Variants in TNMD observed in about 807,000 individuals in gnomAD.
The protein encoded by TNMD is tenomodulin.
TNMD carries 15 observed loss-of-function variants against 26.9 expected under a neutral mutation model. The ratio of observed to expected loss-of-function variants is 0.56; its 90% CI spans 0.37 to 0.86. The LOEUF (loss-of-function observed/expected upper bound fraction) is 0.86, where lower values mean the gene tolerates loss of function less well. Among genes scored for constraint, TNMD ranks in the 40% least tolerant of loss-of-function variants. The probability of loss-of-function intolerance (pLI) is 0.00; values close to 1 mark genes in which losing one functional copy is unlikely to be tolerated. For synonymous variants in TNMD, 73 were observed against 77.0 expected (o/e 0.95, Z 0.27); for missense variants, 222 against 242.6 (o/e 0.92, Z 0.56).
intron 4 of TNMD, among the ~76,000 whole-genome samples, chrX:100,596,016 T>C (rs1299680156): frequency 1.8e-5 from 2 of 112,615 alleles, no homozygotes; most frequent in Non-Finnish European, 1.9e-5. Flanking sequence ...ATAGGATTTA[T>C]TTTTTTGAAA....
chrX:100,598,804 A>G (rs1250912017), intron 5 of TNMD, among the ~76,000 whole-genome samples: 1 of 112,193 alleles, frequency 8.9e-6, no homozygotes, highest in Non-Finnish European at 1.9e-5. Flanking sequence ...CCAAAGAAGC[A>G]AAGAAGTTTG....
chrX:100,596,206 T>C (rs1232040293), intron 4 of TNMD, among the ~76,000 whole-genome samples: 11 of 111,639 alleles, frequency 9.9e-5, no homozygotes, highest in Non-Finnish European at 2.1e-4. Flanking sequence ...TGGTGGCGTG[T>C]GCCTGTAATC....
intron 4 of TNMD, 130 bp from the exon 5 acceptor site, chrX:100,597,374 T>C (rs1236248435): frequency 1.1e-5 from 8 of 757,552 alleles, no homozygotes; most frequent in Non-Finnish European, 1.5e-5. Flanking sequence ...GGCACAGAGC[T>C]AGTTCACCAG....
chrX:100,585,100 G>A, intron 1 of TNMD, 34 bp downstream of exon 1: 1 of 1,193,939 alleles, frequency 8.4e-7, no homozygotes, highest in South Asian at 1.8e-5. Flanking sequence ...CTTTTGAGCA[G>A]AAGCATGGTT....
intron 6 of TNMD, 117 bp from the exon 7 acceptor site, chrX:100,599,390 GC>G: frequency 1.4e-6 from 1 of 707,340 alleles, no homozygotes. Flanking sequence ...AGGCTAAGGA[GC>G]TTAATTTCTC....
At chrX:100,590,443 T>C (rs2082933980) in intron 2 of TNMD, among the ~76,000 whole-genome samples, 1 of 112,361 alleles carries the variant, frequency 8.9e-6, no homozygotes, top group Admixed American at 9.4e-5. Flanking sequence ...AATAGCTTTC[T>C]TTTCTGATCT....
At chrX:100,587,728 G>A (rs969225129) in intron 2 of TNMD, among the ~76,000 whole-genome samples, 4 of 111,993 alleles carry the variant, frequency 3.6e-5, no homozygotes, top group East Asian at 5.6e-4. Context: ...CAATGGGTAC[G>A]CCTATCAACA....
chrX:100,587,054 T>C (rs59903811), intron 2 of TNMD, among the ~76,000 whole-genome samples: 3,333 of 112,429 alleles, frequency 0.03, 121 homozygotes, highest in African/African-American at 0.1. Flanking sequence ...CTTGCCTAAA[T>C]AAGGGGCCAA....
At chrX:100,585,507 T>C in intron 2 of TNMD, 145 bp downstream of exon 2, 1 of 709,012 alleles carries the variant, frequency 1.4e-6, no homozygotes, top group South Asian at 3.9e-5. Context: ...TGAATCAAGA[T>C]TTTTCTCTCC....
In TNMD at chrX:100,593,944, T is replaced by C; in HGVS notation, c.230T>C (p.Ile77Thr). The C allele has an allele frequency of 3.3e-6, 4 of 1,209,852 alleles. No individual in the cohort carries two copies. Among genetic ancestry groups the C allele is most frequent in the Non-Finnish European group, 4.5e-6 (4 of 894,396 alleles). The part of the protein sequence containing the change: ...TFYSNGEKKK[I>T]YMEIDPVTRT... ...TACAGCAATGGAGAGAAGAAGAAGA[T>C]TTACATGGAAATTGATCCTGTGACC... is the stretch of plus-strand genomic sequence containing the variant. The change falls in exon 3 of 7, where the codon ATT becomes ACT. Residue 77 changes from isoleucine to threonine, a missense_variant. Coordinates refer to ENST00000373031, the MANE Select transcript of TNMD (RefSeq NM_022144.3).
chrX:100,598,935 C>T, intron 5 of TNMD, 81 bp from the exon 6 acceptor site: 1 of 835,285 alleles, frequency 1.2e-6, no homozygotes, highest in East Asian at 3.6e-5. Context: ...AATCTCTATC[C>T]CCAGCTGCTA....
chrX:100,597,626 C>T lies in TNMD; in HGVS notation c.546C>T (p.Thr182=), dbSNP rs1410649994. The T allele has an allele frequency of 8.3e-7, 1 of 1,208,982 alleles. No individual in the cohort carries two copies. The highest frequency in any genetic ancestry group is 1.1e-6 in the Non-Finnish European group (1 of 894,417). Residue 182 remains threonine (T), a synonymous_variant, in exon 5 of 7, where the codon ACC becomes ACT. Transcript: ENST00000373031. ...SKILEICDNV[T]MYWINPTLIS... ...TTCTGGAGATTTGTGATAACGTGAC[C>T]ATGTATTGGATCAATCCCACTCTAA...
chrX:100,592,919 T>C (rs751040955), intron 2 of TNMD, among the ~76,000 whole-genome samples: 1 of 112,056 alleles, frequency 8.9e-6, no homozygotes, highest in Non-Finnish European at 1.9e-5. Context: ...GGTCTCCTAA[T>C]GACAGAGATA....
intron 2 of TNMD, among the ~76,000 whole-genome samples, chrX:100,591,208 C>G (rs1023977250): frequency 9.0e-6 from 1 of 111,534 alleles, no homozygotes; most frequent in Non-Finnish European, 1.9e-5. Context: ...GGGTGTACTC[C>G]TCATCATATT....
chrX:100,599,828 A>C lies in TNMD; in HGVS notation c.*111A>C, dbSNP rs898195878. ...TGGCCCCTGGTAGCCAGCTCTCCAGAATTACTTGTAGGTAATTCCTCTCTT... is the reference window on the plus strand; with the variant it reads ...TGGCCCCTGGTAGCCAGCTCTCCAGCATTACTTGTAGGTAATTCCTCTCTT... On this transcript the variant is annotated 3_prime_UTR_variant, in exon 7 of 7. Transcript: ENST00000373031. 7.7e-6 allele frequency: 5 copies of C among 650,306 alleles called. No individual in the cohort carries two copies. In the South Asian group the frequency reaches 1.4e-4, roughly 18 times the overall value. The allele number at this position is 650,306 out of a possible 1,213,427, so 53.6% of individuals were successfully genotyped here.
chrX:100,592,931 G>C lies in TNMD; in HGVS notation c.181-964G>C, dbSNP rs150736826. Among the ~76,000 whole-genome samples, 452 of 112,133 alleles carry C rather than the reference G, an allele frequency of 4.0e-3. 13 individuals carry two copies. Among genetic ancestry groups the C allele is most frequent in the East Asian group, 0.028 (99 of 3,556 alleles). ...AAAGGTCTCCTAATGACAGAGATAA[G>C]ATAGACTTCCAAAAGGCATCATCAG... On this transcript the variant is annotated intron_variant, in intron 2 of 6. Transcript: ENST00000373031.
chrX:100,589,781 G>A (rs2082932326), intron 2 of TNMD, among the ~76,000 whole-genome samples: 1 of 111,093 alleles, frequency 9.0e-6, no homozygotes, highest in South Asian at 3.8e-4. Flanking sequence ...GATGAAAAGG[G>A]GTAAAGGATT....
At chrX:100,593,631 T>G in intron 2 of TNMD, 1 of 223,591 alleles carries the variant, frequency 4.5e-6, no homozygotes, top group East Asian at 8.6e-5. Flanking sequence ...AGTGGTAGCT[T>G]AAAGAAGCAG....
chrX:100,585,954 G>T (rs951333404), intron 2 of TNMD, among the ~76,000 whole-genome samples: 4 of 112,165 alleles, frequency 3.6e-5, no homozygotes, highest in African/African-American at 1.3e-4. Context: ...ATGCCACAAG[G>T]TAGAAGCATG....
Sources: allele counts gnomAD v4.1 joint callset (sites outside exome capture counted in the v4.1 genomes callset), GRCh38; gene constraint gnomAD v4.1.1; transcripts MANE v1.5; gene names NCBI Gene and HGNC (gene_info 2026-07-23, HGNC 2026-07-21).